The following BACE2 variants were observed in gnomAD, a reference collection of about 807,000 sequenced individuals.
BACE2 encodes the protein beta-secretase 2.
A neutral mutation model predicts 46.2 loss-of-function variants in BACE2; 17 were observed. The observed-to-expected ratio is 0.37, with a 90% confidence interval of 0.25 to 0.55. The LOEUF (loss-of-function observed/expected upper bound fraction) is 0.55, where lower values mean the gene tolerates loss of function less well. Among genes scored for constraint, BACE2 ranks in the 20% least tolerant of loss-of-function variants. The probability of loss-of-function intolerance (pLI) is 0.82; values close to 1 mark genes in which losing one functional copy is unlikely to be tolerated. For missense variants in BACE2, 595 were observed against 698.1 expected, an observed-to-expected ratio of 0.85 and a Z score of 1.66; for synonymous variants, 277 against 295.9, an observed-to-expected ratio of 0.94 and a Z score of 0.66.
chr21:41,242,206 G>T (rs943179117), intron 4 of BACE2, among the ~76,000 whole-genome samples: 50 of 151,292 alleles, frequency 3.3e-4, no homozygotes, highest in African/African-American at 1.1e-3. Context: ...CCTTGGAAGG[G>T]CACTGCTTTC....
In BACE2 at chr21:41,226,237, A is replaced by T. The variant is rs370446164; in HGVS notation, c.313-29A>T. ...TTATTAAAATAACTTGATGCTTTCT[A>T]TTTTTTTTTTCTCCTTAAAACATAA... On this transcript the variant is annotated intron_variant, in intron 1 of 8. Coordinates refer to ENST00000330333, the MANE Select transcript of BACE2 (RefSeq NM_012105.5). 68 of 1,393,746 alleles carry T rather than the reference A, an allele frequency of 4.9e-5. 1 individual carries two copies. Among genetic ancestry groups the T allele is most frequent in the South Asian group, 2.7e-4 (20 of 74,874 alleles). The allele number at this position is 1,393,746 out of a possible 1,614,324, so 86.3% of individuals were successfully genotyped here. A position where few individuals can be genotyped will look rare whatever the true frequency, so the allele number is the denominator to read the frequency against.
intron 1 of BACE2, among the ~76,000 whole-genome samples, chr21:41,224,534 C>T (rs1986753254): frequency 6.6e-6 from 1 of 152,180 alleles, no homozygotes; most frequent in African/African-American, 2.4e-5. Context: ...TGTTTTTCAA[C>T]CTTTTGGGCT....
intron 7 of BACE2, among the ~76,000 whole-genome samples, chr21:41,254,976 G>C (rs1987739697): frequency 6.6e-6 from 1 of 152,218 alleles, no homozygotes. Context: ...GTGAGGACTT[G>C]GCCTGAGTTG....
chr21:41,178,841 A>G (rs1984960468), intron 1 of BACE2: 3 of 240,888 alleles, frequency 1.2e-5, no homozygotes, highest in Non-Finnish European at 2.4e-5. Context: ...ACCTCCCCTT[A>G]TAAGGAAGAC....
chr21:41,182,082 A>G (rs1487241718), intron 1 of BACE2: 1 of 167,098 alleles, frequency 6.0e-6, no homozygotes, highest in Non-Finnish European at 1.5e-5. Context: ...AGCCATAGAA[A>G]GGAAGTACTA....
chr21:41,190,711 T>G (rs1985538031), intron 1 of BACE2, among the ~76,000 whole-genome samples: 1 of 152,172 alleles, frequency 6.6e-6, no homozygotes, highest in Admixed American at 6.5e-5. Context: ...TGTTGTAGTT[T>G]CCCATTGATC....
At chr21:41,264,566 A>G (rs567147232) in intron 8 of BACE2, among the ~76,000 whole-genome samples, 1 of 152,290 alleles carries the variant, frequency 6.6e-6, no homozygotes, top group Admixed American at 6.5e-5. Flanking sequence ...AAGCAGGCAC[A>G]GTCTTCACGT....
At position 41,241,936 on chromosome 21, in the gene BACE2, G is replaced by A. The variant is rs751699716; in HGVS notation, c.736G>A (p.Gly246Arg). ...GCCCGTTGCTGGATCTGGGACCAAC[G>A]GAGGTAGTCTTGTGGGTATCTTTTA... Reference protein sequence around the residue: ...GLPVAGSGTNGGSLVLGGIEP... With the variant: ...GLPVAGSGTNRGSLVLGGIEP... The change falls in exon 4 of 9, where the codon GGA (glycine) becomes AGA (arginine). Residue 246 changes from glycine (G) to arginine (R), a missense_variant. This residue lies in a region of BACE2 where 343 missense variants were observed against 419.4 expected (regional missense o/e 0.82). Transcript: ENST00000330333. 76 of 1,614,018 alleles carry A rather than the reference G, an allele frequency of 4.7e-5. No individual in the cohort carries two copies. Among genetic ancestry groups the A allele is most frequent in the Non-Finnish European group, 5.8e-5 (69 of 1,180,018 alleles).
intron 1 of BACE2, among the ~76,000 whole-genome samples, chr21:41,215,360 T>C (rs1359456671): frequency 6.6e-6 from 1 of 152,130 alleles, no homozygotes; most frequent in East Asian, 1.9e-4. Context: ...CAAGGGCAGG[T>C]CCTGGTGGAC....
intron 1 of BACE2, among the ~76,000 whole-genome samples, chr21:41,211,372 T>TAACACA (rs1245858073): frequency 2.6e-5 from 4 of 151,924 alleles, no homozygotes; most frequent in African/African-American, 9.7e-5. Context: ...CTAAGTTCTG[T>TAACACA]AACATCTGTT....
chr21:41,246,944 C>T (rs1385641557), intron 6 of BACE2, among the ~76,000 whole-genome samples: 2 of 152,110 alleles, frequency 1.3e-5, no homozygotes, highest in Non-Finnish European at 2.9e-5. Context: ...AACATGCAAC[C>T]ACGGCGTTGC....
intron 1 of BACE2, among the ~76,000 whole-genome samples, chr21:41,224,776 C>T (rs1232598003): frequency 1.3e-5 from 2 of 152,226 alleles, no homozygotes; most frequent in African/African-American, 4.8e-5. Flanking sequence ...AATACCGTTC[C>T]ACACCCGTTA....
intron 1 of BACE2, chr21:41,179,587 G>C: frequency 7.3e-7 from 1 of 1,367,356 alleles, no homozygotes; most frequent in Non-Finnish European, 9.8e-7. Flanking sequence ...CATGTGTGGT[G>C]AGGAGGTGTT....
At chr21:41,204,222 G>C (rs1171844391) in intron 1 of BACE2, among the ~76,000 whole-genome samples, 1 of 152,012 alleles carries the variant, frequency 6.6e-6, no homozygotes, top group Non-Finnish European at 1.5e-5. Flanking sequence ...TGTTTTTTTA[G>C]TAGAGACAGG....
At chr21:41,197,334 T>A (rs1160624891) in intron 1 of BACE2, among the ~76,000 whole-genome samples, 1 of 151,690 alleles carries the variant, frequency 6.6e-6, no homozygotes, top group African/African-American at 2.4e-5. Flanking sequence ...ATTTTATTTC[T>A]CAGAAAGTCA....
rs545601626 is a variant in BACE2 at position 41,216,664 on chromosome 21, G to A, written c.313-9602G>A. Among the ~76,000 whole-genome samples, 11 of 152,332 alleles carry A rather than the reference G, an allele frequency of 7.2e-5. No homozygotes were observed. The East Asian group carries it at 2.1e-3, about 29-fold the overall frequency. ...TGGAGCTTCAGAGGGAGGGAAGCAG[G>A]GTGAAGCGTCTCTGGAGAGAGTCCC... On this transcript the variant is annotated intron_variant, in intron 1 of 8. Coordinates refer to ENST00000330333, the MANE Select transcript of BACE2 (RefSeq NM_012105.5).
At chr21:41,263,711 T>C (rs894523817) in intron 8 of BACE2, among the ~76,000 whole-genome samples, 5 of 152,250 alleles carry the variant, frequency 3.3e-5, no homozygotes, top group African/African-American at 1.2e-4. Flanking sequence ...TTAACTGTTG[T>C]ACCTTTAAGG....
chr21:41,259,164 G>A (rs564314183), intron 8 of BACE2, among the ~76,000 whole-genome samples: 8 of 152,268 alleles, frequency 5.3e-5, no homozygotes, highest in East Asian at 1.9e-4. Context: ...AATATTAGGC[G>A]TCTCTAGGCA....
Position 41,223,309 on chromosome 21 carries a change from T to C in BACE2, c.313-2957T>C, listed in dbSNP as rs769677061. ...AGTTTGAGGCTACAGCAAGTGATGA[T>C]TGTGCTGCTGTACTCCAGCCTGGGT... On this transcript the variant is annotated intron_variant, in intron 1 of 8. Coordinates refer to ENST00000330333, the MANE Select transcript of BACE2 (RefSeq NM_012105.5). Among the ~76,000 whole-genome samples, 152 of 151,874 alleles carry C rather than the reference T, an allele frequency of 1.0e-3. 1 individual carries two copies. Among genetic ancestry groups the C allele is most frequent in the Admixed American group, 1.8e-3 (27 of 15,274 alleles).
Sources: gnomAD v4.1 joint callset for allele counts (sites outside exome capture counted in the v4.1 genomes callset) on GRCh38, gnomAD v4.1.1 for gene constraint, gnomAD v4.1.1 regional missense constraint, MANE v1.5 for transcripts, NCBI Gene and HGNC (gene_info 2026-07-23, HGNC 2026-07-21) for gene names.